Variants in ANTXR1 observed in about 807,000 individuals in gnomAD.
ANTXR1 encodes anthrax toxin receptor 1.
ANTXR1 carries 19 observed loss-of-function variants against 78.1 expected under a neutral mutation model. The observed-to-expected ratio is 0.24, with a 90% CI of 0.17 to 0.36. ANTXR1 has a LOEUF of 0.36. Ranked by LOEUF, ANTXR1 falls within the 10% of genes least tolerant of loss-of-function variation. The pLI, the probability that ANTXR1 is intolerant of heterozygous loss-of-function variation, is 1.00. For synonymous variants in ANTXR1, 273 were observed against 260.5 expected (o/e 1.05, Z -0.46); for missense variants, 518 against 718.6 (o/e 0.72, Z 3.19).
chr2:69,212,243 AAG>A (rs1675060126), intron 17 of ANTXR1, among the ~76,000 whole-genome samples: 1 of 152,200 alleles, frequency 6.6e-6, no homozygotes, highest in Admixed American at 6.5e-5. Context: ...GGAGTAGAGA[AAG>A]AGAGGAGAAA....
chr2:69,132,299 T>G (rs1672773902), intron 12 of ANTXR1, among the ~76,000 whole-genome samples: 1 of 152,234 alleles, frequency 6.6e-6, no homozygotes, highest in Admixed American at 6.5e-5. Context: ...CCACAGTGAC[T>G]GCAGGTAAAA....
chr2:69,013,313 C>A lies in ANTXR1; in HGVS notation c.-187C>A, dbSNP rs1047995934. 1.3e-6 allele frequency: 1 copy of A among 765,756 alleles called. No homozygotes were observed. 47.4% of individuals were successfully genotyped at this position (765,756 alleles called of 1,614,324 possible). A position where few individuals can be genotyped will look rare whatever the true frequency, so the allele number is the denominator to read the frequency against. On this transcript the variant is annotated 5_prime_UTR_variant, in exon 1 of 18. Coordinates refer to ENST00000303714, the MANE Select transcript of ANTXR1 (RefSeq NM_032208.3). This position sits in a 1 kb window ranked among gnomAD's most constrained non-coding sequence, Gnocchi z 5.0. ...CTTGAAACCCGAAACCCAGAAACAG[C>A]ATCGGAGCGGAAACCAGAGGGGAAA...
At chr2:69,177,035 T>C (rs1296277967) in intron 14 of ANTXR1, among the ~76,000 whole-genome samples, 2 of 152,218 alleles carry the variant, frequency 1.3e-5, no homozygotes, top group Non-Finnish European at 2.9e-5. Flanking sequence ...ATGCACAGTA[T>C]ACATGCAGGA....
At chr2:69,225,586 A>G (rs2104515315) in intron 17 of ANTXR1, among the ~76,000 whole-genome samples, 1 of 152,270 alleles carries the variant, frequency 6.6e-6, no homozygotes, top group Middle Eastern at 3.4e-3. Context: ...CAAGGCAGGG[A>G]AATTTTGGTG....
chr2:69,161,618 A>T (rs533193159), intron 13 of ANTXR1, among the ~76,000 whole-genome samples: 47 of 152,320 alleles, frequency 3.1e-4, no homozygotes, highest in Non-Finnish European at 5.4e-4. Flanking sequence ...CTAGCATCTC[A>T]TCTCTCCTGG....
chr2:69,172,576 A>G (rs1275495220), intron 14 of ANTXR1: 1 of 1,311,922 alleles, frequency 7.6e-7, no homozygotes, highest in East Asian at 2.8e-5. Context: ...TGCCGTATAT[A>G]TGAAGACCTT....
Position 69,090,886 on chromosome 2 carries a change from C to G in ANTXR1, c.670C>G (p.Leu224Val). The G allele has an allele frequency of 6.2e-7, 1 of 1,613,204 alleles. No individual in the cohort carries two copies. The highest frequency in any genetic ancestry group is 8.5e-7 in the Non-Finnish European group (1 of 1,179,992). Residue 224 changes from leucine (L) to valine (V), a missense_variant, in exon 9 of 18, where the codon CTA (leucine) becomes GTA (valine). Leu to Val is a conservative substitution (Grantham distance 32). Transcript: ENST00000303714. Reference protein sequence around the residue: ...SILKKSCIEILAAEPSTICAG... With the variant: ...SILKKSCIEIVAAEPSTICAG... ...TTTGAAGAAGTCCTGCATCGAAATT[C>G]TAGCAGCTGAACCATCCACCATATG...
At chr2:69,047,232 C>T (rs1317240803) in intron 3 of ANTXR1, among the ~76,000 whole-genome samples, 1 of 151,954 alleles carries the variant, frequency 6.6e-6, no homozygotes, top group Non-Finnish European at 1.5e-5. Flanking sequence ...GCATTCAGTT[C>T]TTGGGATCAA....
intron 10 of ANTXR1, among the ~76,000 whole-genome samples, chr2:69,117,183 A>G (rs1478436842): frequency 6.6e-6 from 1 of 152,220 alleles, no homozygotes; most frequent in Non-Finnish European, 1.5e-5. Flanking sequence ...GATCTTGGCC[A>G]TGTGCCTCCA....
chr2:69,160,422 G>A (rs1318216606), intron 13 of ANTXR1, among the ~76,000 whole-genome samples: 1 of 152,030 alleles, frequency 6.6e-6, no homozygotes, highest in Non-Finnish European at 1.5e-5. Context: ...AATTTCCCCC[G>A]TGTGAAAAAC....
intron 12 of ANTXR1, among the ~76,000 whole-genome samples, chr2:69,140,960 A>C (rs528841951): frequency 6.6e-6 from 1 of 152,358 alleles, no homozygotes; most frequent in Non-Finnish European, 1.5e-5. Context: ...GGTGGCCAGA[A>C]TGAATCACAG....
chr2:69,049,585 C>T (rs1485940531), intron 3 of ANTXR1, among the ~76,000 whole-genome samples: 1 of 152,160 alleles, frequency 6.6e-6, no homozygotes, highest in African/African-American at 2.4e-5. Flanking sequence ...GCTGGGATTA[C>T]AGGTGTGAGC....
intron 2 of ANTXR1, among the ~76,000 whole-genome samples, chr2:69,042,556 C>A (rs1669642944): frequency 6.6e-6 from 1 of 152,208 alleles, no homozygotes. Context: ...TCTACAAACA[C>A]AAACTAATCT....
intron 10 of ANTXR1, among the ~76,000 whole-genome samples, chr2:69,114,010 C>T (rs1013429723): frequency 2.6e-5 from 4 of 152,142 alleles, no homozygotes; most frequent in Admixed American, 6.5e-5. Context: ...TTTGCAAGAA[C>T]GCTGAACCCC....
At chr2:69,141,153 G>A (rs535829982) in intron 12 of ANTXR1, among the ~76,000 whole-genome samples, 1 of 152,308 alleles carries the variant, frequency 6.6e-6, no homozygotes, top group Admixed American at 6.5e-5. Flanking sequence ...GTCAGAGTTT[G>A]TACAGGGTTG....
intron 12 of ANTXR1, among the ~76,000 whole-genome samples, chr2:69,149,833 GC>G (rs1372205908): frequency 1.3e-5 from 2 of 152,182 alleles, no homozygotes; most frequent in Non-Finnish European, 2.9e-5. Flanking sequence ...GTTGTCCTTG[GC>G]CAGCCCTAAG....
At chr2:69,100,223 C>T (rs1040582521) in intron 9 of ANTXR1, among the ~76,000 whole-genome samples, 1 of 152,140 alleles carries the variant, frequency 6.6e-6, no homozygotes, top group African/African-American at 2.4e-5. Flanking sequence ...CAGATTCATT[C>T]GAAAGGGTTT....
chr2:69,183,574 G>GTTTTTT (rs55898655), intron 16 of ANTXR1, among the ~76,000 whole-genome samples: 2 of 109,290 alleles, frequency 1.8e-5, no homozygotes, highest in Non-Finnish European at 4.0e-5. Context: ...GCTAATTTTT[G>GTTTTTT]TTTTTTTTTT....
intron 17 of ANTXR1, among the ~76,000 whole-genome samples, chr2:69,230,737 T>C (rs1410455629): frequency 6.6e-6 from 1 of 152,174 alleles, no homozygotes. Context: ...AAAAACCCCT[T>C]TCCAGATTGC....
Sources: allele counts gnomAD v4.1 joint callset (sites outside exome capture counted in the v4.1 genomes callset), GRCh38; gene constraint gnomAD v4.1.1; non-coding constraint Gnocchi (gnomAD v3.1); transcripts MANE v1.5; gene names NCBI Gene and HGNC (gene_info 2026-07-23, HGNC 2026-07-21).